Variants in DNAH11 observed in about 807,000 individuals in gnomAD.
DNAH11 encodes the protein axonemal beta dynein heavy chain 11.
Under a neutral mutation model 526.0 loss-of-function variants are expected in DNAH11, and 442 were observed. The ratio of observed to expected loss-of-function variants is 0.84; its 90% CI spans 0.78 to 0.91. The LOEUF (loss-of-function observed/expected upper bound fraction) is 0.91, where lower values mean the gene tolerates loss of function less well. Among genes scored for constraint, DNAH11 ranks in the 40% least tolerant of loss-of-function variants. The pLI is 0.00. For missense variants in DNAH11, 6,989 were observed against 5,448.7 expected, an observed-to-expected ratio of 1.28 and a Z score of -8.90; for synonymous variants, 2,461 against 1,935.9, an observed-to-expected ratio of 1.27 and a Z score of -7.12.
chr7:21,706,404 A>G (rs905350604), intron 39 of DNAH11, among the ~76,000 whole-genome samples: 7 of 152,270 alleles, frequency 4.6e-5, no homozygotes, highest in African/African-American at 1.2e-4. Flanking sequence ...GGATGGCAGT[A>G]TATGGAACTT....
intron 45 of DNAH11, among the ~76,000 whole-genome samples, chr7:21,731,878 A>G (rs1362824726): frequency 6.6e-6 from 1 of 152,234 alleles, no homozygotes; most frequent in Non-Finnish European, 1.5e-5. Context: ...ATTTTACATA[A>G]TAATGACCCC....
intron 40 of DNAH11, among the ~76,000 whole-genome samples, chr7:21,709,813 TGTG>T (rs1240528172): frequency 6.6e-5 from 10 of 152,166 alleles, no homozygotes; most frequent in African/African-American, 2.4e-4. Flanking sequence ...CTATATGAAT[TGTG>T]GTGGCAAGTT....
intron 35 of DNAH11, among the ~76,000 whole-genome samples, chr7:21,694,915 C>T (rs1412916316): frequency 6.6e-6 from 1 of 152,210 alleles, no homozygotes; most frequent in African/African-American, 2.4e-5. Context: ...GATGACATCT[C>T]ATTGTGGTTT....
In DNAH11 at chr7:21,748,741, G is replaced by A. The variant is rs1317476414; in HGVS notation, c.8672G>A (p.Arg2891Gln). Residue 2891 changes from arginine to glutamine, a missense_variant and splice_region_variant, in exon 52 of 82, where the codon CGG (arginine) becomes CAG (glutamine). Physicochemically the swap from Arg to Gln is conservative, Grantham distance 43. Transcript: ENST00000409508. ...LTEGYGIQEL[R>Q]VDLANLYIRT... is the part of the protein sequence containing the mutation. ...GAGGGCTATGGAATCCAGGAACTTC[G>A]GGTGAGTCAAGGGGACAGGCAGTTC... 3.1e-6 allele frequency: 5 copies of A among 1,612,868 alleles called. No individual in the cohort carries two copies. Among genetic ancestry groups the A allele is most frequent in the Non-Finnish European group, 1.7e-6 (2 of 1,179,398 alleles).
intron 36 of DNAH11, among the ~76,000 whole-genome samples, chr7:21,700,910 G>T (rs1784028611): frequency 6.6e-6 from 1 of 152,166 alleles, no homozygotes; most frequent in Non-Finnish European, 1.5e-5. Flanking sequence ...GTTGAACAGT[G>T]AGAACATATG....
chr7:21,555,122 G>A lies in DNAH11; in HGVS notation c.496-3680G>A, dbSNP rs541830684. Among the ~76,000 whole-genome samples, 87 of 152,280 alleles carry A rather than the reference G, an allele frequency of 5.7e-4. 2 individuals carry two copies. The Middle Eastern group carries it at 0.01, about 18-fold the overall frequency. ...ACATGGGGGCTAATTCCTTGATCCA[G>A]CAGAGAGTGTAGCCCATCTCCTCTT... On this transcript the variant is annotated intron_variant, in intron 2 of 81. Coordinates refer to ENST00000409508, the MANE Select transcript of DNAH11 (RefSeq NM_001277115.2).
At chr7:21,567,670 C>G (rs761021266) in intron 6 of DNAH11, among the ~76,000 whole-genome samples, 2 of 152,216 alleles carry the variant, frequency 1.3e-5, no homozygotes, top group Admixed American at 1.3e-4. Context: ...CCTTTCTGAT[C>G]TACTTTACTC....
rs1785584722 is a variant in DNAH11, at chr7:21,735,808, C to A, written c.7609C>A (p.Pro2537Thr). Residue 2537 changes from proline (P) to threonine (T), a missense_variant, in exon 46 of 82, where the codon CCT becomes ACT. By Grantham distance (38) the Pro-to-Thr change is conservative. Coordinates refer to ENST00000409508, the MANE Select transcript of DNAH11 (RefSeq NM_001277115.2). ...TGAGGATTACATAGTATCCCGTGTG[C>A]CTTTCAACTACTACACGACATCCAC... ...LSEDYIVSRVPFNYYTTSTAL... is the reference protein window; with the variant it reads ...LSEDYIVSRVTFNYYTTSTAL... 2 of 1,613,518 alleles carry A rather than the reference C, an allele frequency of 1.2e-6. No homozygotes were observed. The highest frequency in any genetic ancestry group is 1.3e-5 in the African/African-American group (1 of 75,018).
intron 18 of DNAH11, 24 bp from the exon 19 acceptor site, chr7:21,606,402 G>T: frequency 1.9e-6 from 3 of 1,556,436 alleles, no homozygotes; most frequent in African/African-American, 1.4e-5. Context: ...AAGTAATTTC[G>T]CATTTGTGCC....
intron 34 of DNAH11, among the ~76,000 whole-genome samples, chr7:21,688,446 T>G (rs1001756847): frequency 3.3e-5 from 5 of 152,158 alleles, no homozygotes; most frequent in African/African-American, 1.2e-4. Context: ...GGATTTACTT[T>G]CTCTATATTT....
intron 8 of DNAH11, among the ~76,000 whole-genome samples, chr7:21,575,751 T>G (rs966944471): frequency 3.3e-5 from 5 of 152,218 alleles, no homozygotes; most frequent in African/African-American, 7.2e-5. Flanking sequence ...CCAGAGATAT[T>G]TGGTGCATGC....
intron 5 of DNAH11, among the ~76,000 whole-genome samples, chr7:21,562,243 T>G (rs1783490202): frequency 6.6e-6 from 1 of 152,190 alleles, no homozygotes; most frequent in South Asian, 2.1e-4. Flanking sequence ...TCTTACATAT[T>G]GTAGGATATT....
In DNAH11 at chr7:21,868,985, C is replaced by T; in HGVS notation, c.11961C>T (p.Ile3987=). The change falls in exon 73 of 82, where the codon ATC becomes ATT. Residue 3987 remains isoleucine, a synonymous_variant. Transcript: ENST00000409508. ...EKASKGGHWV[I]LQNVHLVAKW... is the part of the protein sequence containing the mutation. ...CTTCCAAAGGAGGACACTGGGTCAT[C>T]CTCCAAGTGAGTATTAAGTTTCAGG... is the stretch of plus-strand genomic sequence containing the variant. 1 of 1,613,928 alleles carries T rather than the reference C, an allele frequency of 6.2e-7. No homozygotes were observed. Among genetic ancestry groups the T allele is most frequent in the Non-Finnish European group, 8.5e-7 (1 of 1,179,852 alleles).
At chr7:21,786,491 A>C in intron 58 of DNAH11, 133 bp from the exon 59 acceptor site, 1 of 1,193,438 alleles carries the variant, frequency 8.4e-7, no homozygotes, top group East Asian at 2.5e-5. Flanking sequence ...CAGGTGGCAA[A>C]GAATTGCCAA....
At chr7:21,620,121 T>G in intron 25 of DNAH11, 43 bp downstream of exon 25, 1 of 1,429,442 alleles carries the variant, frequency 7.0e-7, no homozygotes, top group Non-Finnish European at 9.4e-7. Context: ...CATTTTATTT[T>G]TATTTGACAA....
chr7:21,606,714 C>G lies in DNAH11; in HGVS notation c.3833C>G (p.Pro1278Arg), dbSNP rs370684371. The G allele has an allele frequency of 6.2e-7, 1 of 1,608,856 alleles. No individual in the cohort carries two copies. Among genetic ancestry groups the G allele is most frequent in the African/African-American group, 1.3e-5 (1 of 74,236 alleles). ...CCTCTTGGATTTAATGCAGAAAATCCATACACAGCGCTTGATAAGGTAATA... is the reference window on the plus strand; with the variant it reads ...CCTCTTGGATTTAATGCAGAAAATCGATACACAGCGCTTGATAAGGTAATA... ...YAPLGFNAEN[P>R]YTALDKANEE... Residue 1278 changes from proline (P) to arginine (R), a missense_variant, in exon 20 of 82, where the codon CCA (proline) becomes CGA (arginine). Pro to Arg is a moderately radical substitution (Grantham distance 103). Transcript: ENST00000409508.
chr7:21,751,000 C>T (rs546815178), intron 54 of DNAH11, among the ~76,000 whole-genome samples: 1 of 152,174 alleles, frequency 6.6e-6, no homozygotes, highest in African/African-American at 2.4e-5. Context: ...ATGATGATGT[C>T]AGTGACTTCA....
intron 14 of DNAH11, among the ~76,000 whole-genome samples, chr7:21,595,581 A>G (rs774187958): frequency 1.3e-5 from 2 of 152,210 alleles, no homozygotes; most frequent in Non-Finnish European, 2.9e-5. Flanking sequence ...TTTGCAATCT[A>G]TTCAGATGGG....
intron 55 of DNAH11, among the ~76,000 whole-genome samples, chr7:21,770,417 C>T (rs1253967293): frequency 6.6e-6 from 1 of 152,154 alleles, no homozygotes; most frequent in African/African-American, 2.4e-5. Context: ...AATTTTCCAC[C>T]TGTGGTGTTA....
Sources: gnomAD v4.1 joint callset for allele counts (sites outside exome capture counted in the v4.1 genomes callset) on GRCh38, gnomAD v4.1.1 for gene constraint, MANE v1.5 for transcripts, NCBI Gene and HGNC (gene_info 2026-07-23, HGNC 2026-07-21) for gene names.